Variants in ERBB4 observed in about 807,000 individuals in gnomAD.
ERBB4 encodes the protein receptor tyrosine-protein kinase erbB-4.
ERBB4 carries 42 observed loss-of-function variants against 158.0 expected under a neutral mutation model. That is an observed-to-expected ratio of 0.27 (90% confidence interval 0.21 to 0.34). The LOEUF (loss-of-function observed/expected upper bound fraction) is 0.34. Among genes scored for constraint, ERBB4 ranks in the 10% least tolerant of loss-of-function variants. ERBB4 has a pLI of 1.00. For missense variants in ERBB4, 1,333 were observed against 1,624.1 expected (o/e 0.82, Z 3.08); for synonymous variants, 583 against 558.7 (o/e 1.04, Z -0.61).
intron 3 of ERBB4, among the ~76,000 whole-genome samples, chr2:211,899,470 A>G (rs1406747530): frequency 6.6e-6 from 1 of 152,160 alleles, no homozygotes; most frequent in Non-Finnish European, 1.5e-5. Context: ...TTGAAGAGCA[A>G]GTTAACAGAC....
At chr2:211,796,702 T>TA (rs1410735299) in intron 3 of ERBB4, among the ~76,000 whole-genome samples, 2 of 151,960 alleles carry the variant, frequency 1.3e-5, no homozygotes, top group African/African-American at 4.8e-5. Flanking sequence ...TTGACCTTCT[T>TA]AAATACTATC....
intron 2 of ERBB4, among the ~76,000 whole-genome samples, chr2:212,010,990 T>C (rs7559224): frequency 0.031 from 4,753 of 152,280 alleles, 95 homozygotes; most frequent in African/African-American, 0.049. Context: ...CAGTCAGACC[T>C]TATGGTTGTC....
chr2:211,517,279 T>C (rs1037678288), intron 20 of ERBB4, among the ~76,000 whole-genome samples: 4 of 152,074 alleles, frequency 2.6e-5, no homozygotes, highest in Non-Finnish European at 1.5e-5. Flanking sequence ...TTATCTGAAA[T>C]AGTGATAATG....
intron 2 of ERBB4, among the ~76,000 whole-genome samples, chr2:211,953,787 G>T (rs1347522612): frequency 6.6e-6 from 1 of 151,934 alleles, no homozygotes. Flanking sequence ...GACATTTGAT[G>T]ATAGAAATCA....
chr2:212,377,420 C>G (rs533103889), intron 1 of ERBB4, among the ~76,000 whole-genome samples: 6 of 151,946 alleles, frequency 3.9e-5, no homozygotes, highest in Admixed American at 1.3e-4. Flanking sequence ...GCCTTCTACA[C>G]ACCTAGGCTG....
rs571787260 is a variant in ERBB4 at position 212,079,389 on chromosome 2, T to C, written c.234+45363A>G. On this transcript the variant is annotated intron_variant, in intron 2 of 27. Coordinates refer to ENST00000342788, the MANE Select transcript of ERBB4 (RefSeq NM_005235.3). ...GATAGCTAAAACAAAAGAACAAATA[T>C]ATATCCTACCAAAACTGTTGGTTGA... 3.9e-5 allele frequency among the ~76,000 whole-genome samples: 6 copies of C among 152,142 alleles called. No homozygotes were observed. In the South Asian group the frequency reaches 1.0e-3, roughly 26 times the overall value.
intron 12 of ERBB4, among the ~76,000 whole-genome samples, chr2:211,697,189 G>GAGAT (rs777513904): frequency 6.6e-5 from 10 of 152,182 alleles, no homozygotes; most frequent in Non-Finnish European, 2.9e-5. Context: ...GCTAGGTTGA[G>GAGAT]AGATAGAGTC....
chr2:212,054,185 A>G (rs1314863341), intron 2 of ERBB4, among the ~76,000 whole-genome samples: 2 of 152,156 alleles, frequency 1.3e-5, no homozygotes, highest in African/African-American at 2.4e-5. Flanking sequence ...AGTTTATTAT[A>G]TGACCTATGT....
Position 211,712,182 on chromosome 2 carries a change from G to C in ERBB4, c.998-6C>G, listed in dbSNP as rs767545334. ...TGTGCCAATGCCATCACAAGCTGTA[G>C]AAACAAGACTCAGAGTTAGGGGATT... On this transcript the variant is annotated splice_region_variant and splice_polypyrimidine_tract_variant and intron_variant, in intron 8 of 27. Coordinates refer to ENST00000342788, the MANE Select transcript of ERBB4 (RefSeq NM_005235.3). 4.9e-5 allele frequency: 79 copies of C among 1,613,216 alleles called. No homozygotes were observed. Among genetic ancestry groups the C allele is most frequent in the Non-Finnish European group, 6.6e-5 (78 of 1,179,430 alleles).
intron 3 of ERBB4, among the ~76,000 whole-genome samples, chr2:211,930,696 G>T (rs1358327054): frequency 6.6e-6 from 1 of 152,036 alleles, no homozygotes; most frequent in African/African-American, 2.4e-5. Context: ...CAGTAACTGG[G>T]TATTTTAATT....
intron 20 of ERBB4, among the ~76,000 whole-genome samples, chr2:211,560,291 T>TTTTTTTTTTTTTTTTTTTTTTA (rs2067354463): frequency 7.5e-6 from 1 of 132,610 alleles, no homozygotes; most frequent in Non-Finnish European, 1.6e-5. Context: ...TTTTTTTTTT[T>TTTTTTTTTTTTTTTTTTTTTTA]GAGATGGAGT....
At chr2:212,382,116 C>T (rs1412177002) in intron 1 of ERBB4, among the ~76,000 whole-genome samples, 3 of 150,682 alleles carry the variant, frequency 2.0e-5, no homozygotes, top group African/African-American at 7.3e-5. Flanking sequence ...CACATACACA[C>T]ACATACATAT....
At chr2:211,738,372 T>TG (rs2074677492) in intron 5 of ERBB4, among the ~76,000 whole-genome samples, 3 of 148,676 alleles carry the variant, frequency 2.0e-5, no homozygotes, top group South Asian at 2.1e-4. Flanking sequence ...TTTTTTTTTT[T>TG]TTTTTTTTTT....
chr2:211,519,305 T>A (rs1027738214), intron 20 of ERBB4, among the ~76,000 whole-genome samples: 2 of 152,192 alleles, frequency 1.3e-5, no homozygotes, highest in Non-Finnish European at 2.9e-5. Context: ...ATTGGCTACA[T>A]CCTATTAATA....
intron 23 of ERBB4, among the ~76,000 whole-genome samples, chr2:211,423,954 C>A (rs1219193706): frequency 6.6e-6 from 1 of 151,898 alleles, no homozygotes; most frequent in Non-Finnish European, 1.5e-5. Context: ...ATAAAAGAGT[C>A]ATAATTTTGA....
At chr2:211,542,260 G>A (rs2125685553) in intron 20 of ERBB4, among the ~76,000 whole-genome samples, 1 of 152,108 alleles carries the variant, frequency 6.6e-6, no homozygotes. Flanking sequence ...GACTGCTTGA[G>A]CATCAGAATG....
At chr2:212,188,893 G>A (rs570930485) in intron 1 of ERBB4, among the ~76,000 whole-genome samples, 11 of 152,048 alleles carry the variant, frequency 7.2e-5, no homozygotes, top group East Asian at 1.9e-4. Flanking sequence ...TATTCCTGAC[G>A]AATATGTTCT....
intron 9 of ERBB4, among the ~76,000 whole-genome samples, chr2:211,705,749 A>G (rs571638832): frequency 6.6e-6 from 1 of 152,356 alleles, no homozygotes; most frequent in East Asian, 1.9e-4. Context: ...GTCTAGAAAT[A>G]CATTATATTA....
chr2:212,279,810 T>A (rs1428199283), intron 1 of ERBB4, among the ~76,000 whole-genome samples: 1 of 151,566 alleles, frequency 6.6e-6, no homozygotes, highest in African/African-American at 2.4e-5. Flanking sequence ...TATAGGTCAT[T>A]GGTTTCTAGA....
Sources: gnomAD v4.1 joint callset for allele counts (sites outside exome capture counted in the v4.1 genomes callset) on GRCh38, gnomAD v4.1.1 for gene constraint, MANE v1.5 for transcripts, NCBI Gene and HGNC (gene_info 2026-07-23, HGNC 2026-07-21) for gene names.